Variants in BRCC3 observed in about 807,000 individuals in gnomAD.
The protein encoded by BRCC3 is BRCA1/BRCA2-containing complex subunit 3, also known as lys-63-specific deubiquitinase BRCC36.
BRCC3 carries 15 observed loss-of-function variants against 28.0 expected under a neutral mutation model. That is an observed-to-expected ratio of 0.54 (90% CI 0.36 to 0.82). BRCC3 has a LOEUF of 0.82. Ranked by LOEUF, BRCC3 falls within the 40% of genes least tolerant of loss-of-function variation. BRCC3 has a pLI of 0.01. For synonymous variants in BRCC3, 66 were observed against 80.3 expected, an observed-to-expected ratio of 0.82 and a Z score of 0.95; for missense variants, 109 against 225.9, an observed-to-expected ratio of 0.48 and a Z score of 3.32.
At chrX:155,089,157 A>G (rs1039428602) in intron 5 of BRCC3, 106 bp from the exon 6 acceptor site, 11 of 519,816 alleles carry the variant, frequency 2.1e-5, no homozygotes, top group African/African-American at 7.2e-5. Context: ...TCCTAGGAAG[A>G]TTATATGTTG....
Position 155,089,245 on chromosome X carries a change from A to G in BRCC3, c.404-18A>G. On this transcript the variant is annotated intron_variant, in intron 5 of 10. Coordinates refer to ENST00000330045, the MANE Select transcript of BRCC3 (RefSeq NM_001018055.3). ...CAGCTTATTGACAGAAGATTTTTAA[A>G]TTTTCATTTATTTTCAGATGTTCGC... 3 of 1,116,995 alleles carry G rather than the reference A, an allele frequency of 2.7e-6. No individual in the cohort carries two copies. Among genetic ancestry groups the G allele is most frequent in the Non-Finnish European group, 3.6e-6 (3 of 827,962 alleles). 92.1% of individuals were successfully genotyped at this position (1,116,995 alleles called of 1,213,427 possible).
intron 5 of BRCC3, among the ~76,000 whole-genome samples, chrX:155,088,534 G>C (rs927576286): frequency 4.5e-5 from 5 of 110,014 alleles, no homozygotes; most frequent in Admixed American, 2.9e-4. Flanking sequence ...TGAATTTTTA[G>C]TAGAGAAGGG....
chrX:155,117,775 G>A (rs1327988373), intron 9 of BRCC3, among the ~76,000 whole-genome samples: 1 of 111,525 alleles, frequency 9.0e-6, no homozygotes, highest in African/African-American at 3.3e-5. Context: ...AATGAAAAAA[G>A]CATGAATTAT....
At chrX:155,100,191 G>C (rs2074238257) in intron 7 of BRCC3, among the ~76,000 whole-genome samples, 1 of 111,238 alleles carries the variant, frequency 9.0e-6, no homozygotes, top group African/African-American at 3.3e-5. Flanking sequence ...CCATTTGACA[G>C]TAAGTTGCAC....
chrX:155,113,194 G>A (rs1386004022), intron 7 of BRCC3, among the ~76,000 whole-genome samples: 2 of 96,017 alleles, frequency 2.1e-5, no homozygotes, highest in East Asian at 3.1e-4. Flanking sequence ...AAGTTGATAC[G>A]GAATCTCGGG....
At chrX:155,085,015 T>C (rs1174725133) in intron 5 of BRCC3, among the ~76,000 whole-genome samples, 1 of 111,688 alleles carries the variant, frequency 9.0e-6, no homozygotes, top group Non-Finnish European at 1.9e-5. Context: ...TAGTCAATTA[T>C]TTTCAGATAT....
intron 7 of BRCC3, among the ~76,000 whole-genome samples, chrX:155,107,915 T>C (rs1024986014): frequency 1.8e-5 from 2 of 111,632 alleles, no homozygotes; most frequent in Non-Finnish European, 1.9e-5. Context: ...AGCTTTTCAA[T>C]TGAAGTGTAA....
At chrX:155,095,441 C>G (rs2074203506) in intron 7 of BRCC3, among the ~76,000 whole-genome samples, 1 of 110,664 alleles carries the variant, frequency 9.0e-6, no homozygotes, top group Non-Finnish European at 1.9e-5. Context: ...GCTGGGATTA[C>G]AGGCGTGCAC....
chrX:155,097,935 G>A (rs2074221419), intron 7 of BRCC3, among the ~76,000 whole-genome samples: 1 of 111,479 alleles, frequency 9.0e-6, no homozygotes, highest in Non-Finnish European at 1.9e-5. Context: ...GGCGGAGCTT[G>A]CAGTGAGCCG....
intron 5 of BRCC3, among the ~76,000 whole-genome samples, chrX:155,086,737 G>C (rs1557294935): frequency 8.9e-6 from 1 of 111,781 alleles, no homozygotes; most frequent in Non-Finnish European, 1.9e-5. Context: ...CCCTGTTCTC[G>C]AATTACCCTA....
At chrX:155,083,800 T>G (rs1371345143) in intron 5 of BRCC3, among the ~76,000 whole-genome samples, 4 of 112,700 alleles carry the variant, frequency 3.5e-5, no homozygotes, top group African/African-American at 1.3e-4. Context: ...AAATCCCATC[T>G]TATAAAACAT....
Position 155,122,687 on chromosome X carries a change from C to T in BRCC3, c.*1483C>T, listed in dbSNP as rs2074394880. The T allele has an allele frequency of 1.8e-5, 2 of 110,996 alleles. No individual in the cohort carries two copies. The highest frequency in any genetic ancestry group is 1.9e-4 in the Admixed American group (2 of 10,514). 9.1% of individuals were successfully genotyped at this position (110,996 alleles called of 1,213,427 possible). A position where few individuals can be genotyped will look rare whatever the true frequency, so the allele number is the denominator to read the frequency against. On this transcript the variant is annotated 3_prime_UTR_variant, in exon 11 of 11. Coordinates refer to ENST00000330045, the MANE Select transcript of BRCC3 (RefSeq NM_001018055.3). Reference sequence around the variant, plus strand: ...AATGAAAAGGAACTAACTGTTGATACAAGAACTTGGTTGTACCTCAGGGGT... The same window carrying T: ...AATGAAAAGGAACTAACTGTTGATATAAGAACTTGGTTGTACCTCAGGGGT...
chrX:155,108,328 T>C (rs782714379), intron 7 of BRCC3, among the ~76,000 whole-genome samples: 6 of 112,405 alleles, frequency 5.3e-5, no homozygotes, highest in Non-Finnish European at 1.1e-4. Context: ...ATATGTTCTA[T>C]TGTTAGGCAT....
intron 7 of BRCC3, among the ~76,000 whole-genome samples, chrX:155,096,958 G>A (rs1557296317): frequency 8.9e-6 from 1 of 112,047 alleles, no homozygotes; most frequent in African/African-American, 3.2e-5. Flanking sequence ...ACCCACATGC[G>A]AAAGAATGGA....
chrX:155,105,117 A>G (rs1439891017), intron 7 of BRCC3, among the ~76,000 whole-genome samples: 2 of 112,228 alleles, frequency 1.8e-5, no homozygotes, highest in Non-Finnish European at 3.8e-5. Flanking sequence ...TTAATTTTGT[A>G]TAGACTAAGA....
intron 7 of BRCC3, among the ~76,000 whole-genome samples, chrX:155,097,396 C>T (rs781956998): frequency 2.7e-5 from 3 of 111,510 alleles, no homozygotes; most frequent in Non-Finnish European, 5.7e-5. Context: ...AATAAGTACA[C>T]GTAAAGGTAC....
At chrX:155,078,211 C>T (rs1194077050) in intron 4 of BRCC3, among the ~76,000 whole-genome samples, 1 of 112,346 alleles carries the variant, frequency 8.9e-6, no homozygotes, top group South Asian at 3.6e-4. Context: ...AATATTGTTT[C>T]TCAGACTTAG....
At chrX:155,095,200 G>A (rs1557296104) in intron 7 of BRCC3, among the ~76,000 whole-genome samples, 1 of 112,125 alleles carries the variant, frequency 8.9e-6, no homozygotes, top group Non-Finnish European at 1.9e-5. Flanking sequence ...TGTACAGTGT[G>A]TTTTAAGCTA....
At chrX:155,097,133 C>G (rs1557296336) in intron 7 of BRCC3, among the ~76,000 whole-genome samples, 1 of 111,182 alleles carries the variant, frequency 9.0e-6, no homozygotes, top group Non-Finnish European at 1.9e-5. Context: ...GCACAGGCAA[C>G]AAAGGAAAAA....
Sources: allele counts gnomAD v4.1 joint callset (sites outside exome capture counted in the v4.1 genomes callset), GRCh38; gene constraint gnomAD v4.1.1; transcripts MANE v1.5; gene names NCBI Gene and HGNC (gene_info 2026-07-23, HGNC 2026-07-21).